PHACTR3: variants seen among roughly 807,000 people sequenced by gnomAD.
PHACTR3 encodes protein phosphatase 1, regulatory subunit 123.
Under a neutral mutation model 66.8 loss-of-function variants are expected in PHACTR3, and 16 were observed. The observed-to-expected ratio is 0.24, with a 90% CI of 0.16 to 0.36. The LOEUF (loss-of-function observed/expected upper bound fraction) is 0.36. PHACTR3 is among the 10% of genes least tolerant of loss of function. The pLI, the probability that PHACTR3 is intolerant of heterozygous loss-of-function variation, is 1.00. For synonymous variants in PHACTR3, 323 were observed against 292.1 expected (o/e 1.11, Z -1.08); for missense variants, 647 against 719.9 (o/e 0.90, Z 1.16).
intron 1 of PHACTR3, among the ~76,000 whole-genome samples, chr20:59,705,805 G>T (rs571275761): frequency 1.5e-4 from 23 of 152,318 alleles, no homozygotes; most frequent in African/African-American, 5.5e-4. Flanking sequence ...AAGAATGAAG[G>T]GCTGCTGGAT....
intron 1 of PHACTR3, among the ~76,000 whole-genome samples, chr20:59,669,506 T>C (rs929515185): frequency 1.3e-5 from 2 of 152,210 alleles, no homozygotes; most frequent in Non-Finnish European, 2.9e-5. Flanking sequence ...GCTCACCCAT[T>C]GGCAGTGTAC....
At chr20:59,745,644 T>C (rs1336258112) in intron 2 of PHACTR3, among the ~76,000 whole-genome samples, 1 of 152,198 alleles carries the variant, frequency 6.6e-6, no homozygotes, top group Non-Finnish European at 1.5e-5. Flanking sequence ...AATGCAAAGA[T>C]GATTGAAAGA....
chr20:59,839,038 TAAAA>T (rs75920578), intron 9 of PHACTR3, among the ~76,000 whole-genome samples: 3 of 141,000 alleles, frequency 2.1e-5, no homozygotes, highest in Middle Eastern at 7.1e-3. Flanking sequence ...TTTTCAGGAT[TAAAA>T]AAAAAAAAAA....
intron 7 of PHACTR3, among the ~76,000 whole-genome samples, chr20:59,793,679 G>A (rs373771874): frequency 6.6e-6 from 1 of 151,598 alleles, no homozygotes; most frequent in Non-Finnish European, 1.5e-5. Context: ...TTTTGGTGAG[G>A]TCTTTAGGGT....
At chr20:59,844,135 C>T (rs1568880230) in intron 11 of PHACTR3, 2 of 151,828 alleles carry the variant, frequency 1.3e-5, no homozygotes, top group South Asian at 2.1e-4. Context: ...TCATCTTATT[C>T]CAGTTAGAAT....
At chr20:59,724,016 C>T (rs1446790111) in intron 1 of PHACTR3, among the ~76,000 whole-genome samples, 3 of 152,128 alleles carry the variant, frequency 2.0e-5, no homozygotes, top group East Asian at 1.9e-4. Flanking sequence ...CACCTCCTTG[C>T]CCACACCTTT....
At chr20:59,581,368 C>T (rs772469686) in intron 1 of PHACTR3, among the ~76,000 whole-genome samples, 1 of 152,208 alleles carries the variant, frequency 6.6e-6, no homozygotes, top group African/African-American at 2.4e-5. Context: ...GCTCAGGGCA[C>T]ACCTGTGAGA....
chr20:59,659,904 C>T (rs1249144883), intron 1 of PHACTR3, among the ~76,000 whole-genome samples: 1 of 152,196 alleles, frequency 6.6e-6, no homozygotes, highest in African/African-American at 2.4e-5. Flanking sequence ...TTTCTAGTCC[C>T]ACTGGAGTGC....
At chr20:59,700,842 T>A (rs1394765566) in intron 1 of PHACTR3, among the ~76,000 whole-genome samples, 1 of 152,172 alleles carries the variant, frequency 6.6e-6, no homozygotes, top group Non-Finnish European at 1.5e-5. Context: ...TAGGCAGGAG[T>A]GCACTGGCAC....
At chr20:59,788,848 C>T (rs1173381916) in intron 7 of PHACTR3, among the ~76,000 whole-genome samples, 1 of 152,190 alleles carries the variant, frequency 6.6e-6, no homozygotes, top group African/African-American at 2.4e-5. Flanking sequence ...GCAGTCCCCT[C>T]CTCCAACATC....
intron 1 of PHACTR3, among the ~76,000 whole-genome samples, chr20:59,587,031 G>A (rs1444595482): frequency 6.6e-6 from 1 of 152,224 alleles, no homozygotes; most frequent in Non-Finnish European, 1.5e-5. Flanking sequence ...TGCTTTGGAA[G>A]CCCTTAAAAG....
intron 1 of PHACTR3, among the ~76,000 whole-genome samples, chr20:59,708,666 C>T (rs1035855569): frequency 6.6e-6 from 1 of 152,234 alleles, no homozygotes; most frequent in Non-Finnish European, 1.5e-5. Flanking sequence ...CACTCAGTCA[C>T]TACTCACAGC....
chr20:59,713,209 T>C (rs537800056), intron 1 of PHACTR3, among the ~76,000 whole-genome samples: 1 of 152,340 alleles, frequency 6.6e-6, no homozygotes, highest in East Asian at 1.9e-4. Context: ...CCAGAGAAAT[T>C]CCAACTACTT....
At chr20:59,743,023 G>A (rs1409072665) in intron 1 of PHACTR3, 84 bp from the exon 2 acceptor site, 9 of 1,458,692 alleles carry the variant, frequency 6.2e-6, no homozygotes, top group Non-Finnish European at 8.4e-6. Flanking sequence ...TGACCCCTTA[G>A]GGTGAGAGGT....
chr20:59,837,371 T>TGA (rs2058984886), intron 9 of PHACTR3, among the ~76,000 whole-genome samples: 1 of 152,208 alleles, frequency 6.6e-6, no homozygotes, highest in Non-Finnish European at 1.5e-5. Context: ...TATGAAGTTA[T>TGA]AATGGTACCA....
intron 1 of PHACTR3, among the ~76,000 whole-genome samples, chr20:59,683,585 A>G (rs1043446394): frequency 3.3e-5 from 5 of 152,090 alleles, no homozygotes; most frequent in Admixed American, 6.6e-5. Context: ...AAAGGTAACC[A>G]TAAAATAAAA....
chr20:59,650,901 G>T (rs932903064), intron 1 of PHACTR3, among the ~76,000 whole-genome samples: 4 of 152,142 alleles, frequency 2.6e-5, no homozygotes, highest in Admixed American at 1.3e-4. Flanking sequence ...GGCTTCTGAG[G>T]TGACTGTGGA....
intron 1 of PHACTR3, among the ~76,000 whole-genome samples, chr20:59,590,202 T>C (rs1403631318): frequency 6.6e-6 from 1 of 152,248 alleles, no homozygotes; most frequent in African/African-American, 2.4e-5. Context: ...CCAATGATGT[T>C]AGACTACAAA....
chr20:59,602,806 A>G (rs918187737), upstream of PHACTR3, among the ~76,000 whole-genome samples: 1 of 152,206 alleles, frequency 6.6e-6, no homozygotes, highest in Non-Finnish European at 1.5e-5. Context: ...AAACCTTCCC[A>G]TGGGGCCAGT....
Sources: gnomAD v4.1 joint callset for allele counts (sites outside exome capture counted in the v4.1 genomes callset) on GRCh38, gnomAD v4.1.1 for gene constraint, MANE v1.5 for transcripts, NCBI Gene and HGNC (gene_info 2026-07-23, HGNC 2026-07-21) for gene names.